Variants in MTHFD2L observed in about 807,000 individuals in gnomAD.
MTHFD2L encodes bifunctional methylenetetrahydrofolate dehydrogenase/cyclohydrolase 2, mitochondrial.
Under a neutral mutation model 34.9 loss-of-function variants are expected in MTHFD2L, and 29 were observed. That is an observed-to-expected ratio of 0.83 (90% confidence interval 0.62 to 1.13). The LOEUF (loss-of-function observed/expected upper bound fraction) is 1.13, where lower values mean the gene tolerates loss of function less well. Among genes scored for constraint, MTHFD2L ranks in the 50% most tolerant of loss-of-function variants. MTHFD2L has a pLI of 0.00. For missense variants in MTHFD2L, 481 were observed against 446.5 expected (o/e 1.08, Z -0.70); for synonymous variants, 167 against 155.7 (o/e 1.07, Z -0.54).
intron 3 of MTHFD2L, among the ~76,000 whole-genome samples, chr4:74,187,733 TACACACACACACAC>T (rs35175417): frequency 0.019 from 2,523 of 134,290 alleles, 45 homozygotes; most frequent in Non-Finnish European, 0.029. Context: ...AAACGTTAAA[TACACACACACACAC>T]ACACACACAC....
At chr4:74,287,702 G>A (rs1352602701) in intron 7 of MTHFD2L, among the ~76,000 whole-genome samples, 2 of 152,122 alleles carry the variant, frequency 1.3e-5, no homozygotes, top group African/African-American at 2.4e-5. Context: ...AGCCGAGATC[G>A]TGCCACTGCA....
chr4:74,126,093 C>T (rs147292748), intron 1 of MTHFD2L, among the ~76,000 whole-genome samples: 16 of 152,234 alleles, frequency 1.1e-4, no homozygotes, highest in East Asian at 3.9e-4. Context: ...TGGCCTTGGG[C>T]GCAGTCTTTA....
intron 3 of MTHFD2L, among the ~76,000 whole-genome samples, chr4:74,193,475 G>A (rs941488233): frequency 3.3e-5 from 5 of 152,078 alleles, no homozygotes; most frequent in African/African-American, 4.8e-5. Flanking sequence ...AACAAAAAAC[G>A]ACATAGGATT....
chr4:74,258,458 C>A (rs1744294320), intron 6 of MTHFD2L, among the ~76,000 whole-genome samples: 1 of 151,894 alleles, frequency 6.6e-6, no homozygotes, highest in Non-Finnish European at 1.5e-5. Flanking sequence ...TGCACAGGTC[C>A]ATTTATACAC....
intron 6 of MTHFD2L, among the ~76,000 whole-genome samples, chr4:74,237,737 C>G (rs1310966843): frequency 6.6e-6 from 1 of 152,198 alleles, no homozygotes; most frequent in Non-Finnish European, 1.5e-5. Flanking sequence ...GATTCTCTTT[C>G]ATACCTTGTT....
At chr4:74,216,273 C>T (rs1033806998) in intron 5 of MTHFD2L, among the ~76,000 whole-genome samples, 4 of 151,870 alleles carry the variant, frequency 2.6e-5, no homozygotes, top group Admixed American at 2.0e-4. Context: ...CTTTTCCTCC[C>T]AACTTTTAAA....
chr4:74,271,303 G>T (rs551103912), intron 6 of MTHFD2L, among the ~76,000 whole-genome samples: 4 of 152,210 alleles, frequency 2.6e-5, no homozygotes, highest in Admixed American at 2.0e-4. Context: ...TATGGTTTTA[G>T]GTCTAATATT....
In MTHFD2L at chr4:74,225,318, A is replaced by G; in HGVS notation, c.729A>G (p.Thr243=). The change falls in exon 6 of 8, where the codon ACA becomes ACG. Residue 243 remains threonine, a synonymous_variant. Coordinates refer to ENST00000325278, the MANE Select transcript of MTHFD2L (RefSeq NM_001144978.3). ...GTATTCCAGGTGATGCAACTGTGAC[A>G]ATAGCTCACAGATACACCCCCAAAG... is the stretch of plus-strand genomic sequence containing the variant. ...HERPGGDATV[T]IAHRYTPKEQ... is the part of the protein sequence containing the mutation. The G allele has an allele frequency of 1.2e-6, 2 of 1,612,466 alleles. No individual in the cohort carries two copies. The highest frequency in any genetic ancestry group is 1.7e-6 in the Non-Finnish European group (2 of 1,178,900).
chr4:74,149,810 C>A lies in MTHFD2L; in HGVS notation c.-296-10245C>A, dbSNP rs772485020. 2.6e-5 allele frequency among the ~76,000 whole-genome samples: 4 copies of A among 152,056 alleles called. No homozygotes were observed. In the East Asian group the frequency reaches 7.7e-4, roughly 29 times the overall value. On this transcript the variant is annotated intron_variant, in intron 1 of 7. Coordinates refer to the MTHFD2L transcript ENST00000433372. Reference sequence around the variant, plus strand: ...GTGGTAGGTAGAAGAGTGCTCCCCCCAAAAAATGTTTATATCCTAGGTTTC... The same window carrying A: ...GTGGTAGGTAGAAGAGTGCTCCCCCAAAAAAATGTTTATATCCTAGGTTTC...
chr4:74,143,448 G>C, intron 1 of MTHFD2L: 1 of 985,338 alleles, frequency 1.0e-6, no homozygotes, highest in Non-Finnish European at 1.2e-6. Flanking sequence ...TTCACGCTGA[G>C]TTTGGAAGGG....
chr4:74,151,411 G>T (rs879806730), intron 1 of MTHFD2L, among the ~76,000 whole-genome samples: 5 of 152,154 alleles, frequency 3.3e-5, no homozygotes, highest in Non-Finnish European at 7.4e-5. Flanking sequence ...GTACCTTAGC[G>T]ATGTAGCATG....
chr4:74,260,871 GA>G (rs1217161395), intron 6 of MTHFD2L, among the ~76,000 whole-genome samples: 1 of 150,032 alleles, frequency 6.7e-6, no homozygotes, highest in African/African-American at 2.5e-5. Flanking sequence ...TATAAATGCA[GA>G]AAAAAGCAGT....
At chr4:74,295,555 G>T (rs1267447660) in intron 7 of MTHFD2L, among the ~76,000 whole-genome samples, 1 of 152,118 alleles carries the variant, frequency 6.6e-6, no homozygotes, top group African/African-American at 2.4e-5. Context: ...TTAGAGAAAT[G>T]TGCAAACACA....
At chr4:74,276,424 T>C (rs1746657133) in intron 6 of MTHFD2L, among the ~76,000 whole-genome samples, 1 of 152,092 alleles carries the variant, frequency 6.6e-6, no homozygotes, top group African/African-American at 2.4e-5. Context: ...CCTCAAATTA[T>C]GTATAAAAAT....
At chr4:74,264,561 G>T (rs915205353) in intron 6 of MTHFD2L, among the ~76,000 whole-genome samples, 2 of 151,780 alleles carry the variant, frequency 1.3e-5, no homozygotes, top group African/African-American at 2.4e-5. Context: ...AAATTAGAGT[G>T]TTAGAATATA....
chr4:74,151,261 A>G (rs1723923306), intron 1 of MTHFD2L, among the ~76,000 whole-genome samples: 2 of 152,182 alleles, frequency 1.3e-5, no homozygotes, highest in Non-Finnish European at 2.9e-5. Context: ...TTGGTAATCA[A>G]TTTTTCAATA....
chr4:74,139,792 G>A (rs1033694481), intron 1 of MTHFD2L, among the ~76,000 whole-genome samples: 2 of 151,968 alleles, frequency 1.3e-5, no homozygotes, highest in African/African-American at 4.8e-5. Flanking sequence ...TTTCCTTTGG[G>A]TCAAAAATAG....
At chr4:74,267,350 C>T (rs1745424315) in intron 6 of MTHFD2L, 1 of 527,376 alleles carries the variant, frequency 1.9e-6, no homozygotes. Context: ...TTTCTTTCTC[C>T]TTTCTTTCTT....
intron 1 of MTHFD2L, among the ~76,000 whole-genome samples, chr4:74,141,512 G>T (rs1476374159): frequency 1.3e-5 from 2 of 152,094 alleles, no homozygotes; most frequent in East Asian, 1.9e-4. Flanking sequence ...GATGCTTCTT[G>T]TTTCTCGCTT....
Sources: gnomAD v4.1 joint callset for allele counts (sites outside exome capture counted in the v4.1 genomes callset) on GRCh38, gnomAD v4.1.1 for gene constraint, MANE v1.5 for transcripts, NCBI Gene and HGNC (gene_info 2026-07-23, HGNC 2026-07-21) for gene names.